The following CCDC186 variants were observed in gnomAD, a reference collection of about 807,000 sequenced individuals.
CCDC186 encodes the protein coiled-coil domain-containing protein 186.
A neutral mutation model predicts 113.7 loss-of-function variants in CCDC186; 49 were observed. That is an observed-to-expected ratio of 0.43 (90% CI 0.34 to 0.55). The LOEUF (loss-of-function observed/expected upper bound fraction) is 0.55, where lower values mean the gene tolerates loss of function less well. Among genes scored for constraint, CCDC186 ranks in the 20% least tolerant of loss-of-function variants. The pLI is 0.02. For missense variants in CCDC186, 890 were observed against 1,011.1 expected (o/e 0.88, Z 1.62); for synonymous variants, 355 against 345.8 (o/e 1.03, Z -0.30).
At chr10:114,170,587 G>C (rs1289249246) in intron 1 of CCDC186, among the ~76,000 whole-genome samples, 1 of 152,148 alleles carries the variant, frequency 6.6e-6, no homozygotes, top group Non-Finnish European at 1.5e-5. Flanking sequence ...CCCCCCAAAA[G>C]TGCTGTGATT....
rs761070055 is a variant in CCDC186, at chr10:114,125,886, C to A, written c.2613G>T (p.Lys871Asn). Residue 871 changes from lysine to asparagine, a missense_variant and splice_region_variant, in exon 15 of 16, where the codon AAG becomes AAT. Physicochemically the swap from Lys to Asn is moderately conservative, Grantham distance 94 (BLOSUM62 0). Coordinates refer to ENST00000369287, the MANE Select transcript of CCDC186 (RefSeq NM_018017.4). Reference protein sequence around the residue: ...EDTLLKNITLKENLQTLGTEI... With the variant: ...EDTLLKNITLNENLQTLGTEI... ...GTGTGTGAATGAGAAACACAAATAC[C>A]TTCAAAGTAATATTTTTTAGTAACG... is the stretch of plus-strand genomic sequence containing the variant. The A allele has an allele frequency of 6.2e-7, 1 of 1,612,724 alleles. No individual in the cohort carries two copies. The highest frequency in any genetic ancestry group is 8.5e-7 in the Non-Finnish European group (1 of 1,178,958).
chr10:114,173,710 C>G (rs2032596903), intron 1 of CCDC186, among the ~76,000 whole-genome samples: 1 of 152,222 alleles, frequency 6.6e-6, no homozygotes, highest in African/African-American at 2.4e-5. Flanking sequence ...GCAATGGGCT[C>G]GAATTCAGAC....
intron 13 of CCDC186, among the ~76,000 whole-genome samples, chr10:114,128,170 T>G (rs191566217): frequency 7.2e-5 from 11 of 152,254 alleles, no homozygotes; most frequent in Admixed American, 2.0e-4. Flanking sequence ...ATTATTTACC[T>G]CACAGGATTG....
In CCDC186 at chr10:114,158,950, G is replaced by C. The variant is rs530972287; in HGVS notation, c.633-1270C>G. Reference sequence around the variant, plus strand: ...CCCTCGTGGAACTTACATTCTAGGGGATAAAATAAAAATGGACCCTAGATA... The same window carrying C: ...CCCTCGTGGAACTTACATTCTAGGGCATAAAATAAAAATGGACCCTAGATA... On this transcript the variant is annotated intron_variant, in intron 2 of 15. Transcript: ENST00000369287. 5.3e-5 allele frequency among the ~76,000 whole-genome samples: 8 copies of C among 152,176 alleles called. 1 individual carries two copies. Among genetic ancestry groups the C allele is most frequent in the Admixed American group, 5.2e-4 (8 of 15,286 alleles).
At chr10:114,149,814 A>AGGCAGGC (rs2031786915) in intron 4 of CCDC186, among the ~76,000 whole-genome samples, 4 of 53,800 alleles carry the variant, frequency 7.4e-5, no homozygotes, top group African/African-American at 3.3e-4. Context: ...GGAAGGAAGG[A>AGGCAGGC]AGGCAGGAAG....
chr10:114,161,522 G>A (rs2032166909), intron 2 of CCDC186: 1 of 152,144 alleles, frequency 6.6e-6, no homozygotes, highest in African/African-American at 2.4e-5. Context: ...ATAATCTCAA[G>A]AGGAAGGTCT....
intron 1 of CCDC186, among the ~76,000 whole-genome samples, chr10:114,166,346 C>G (rs1310379990): frequency 6.6e-6 from 1 of 152,166 alleles, no homozygotes; most frequent in African/African-American, 2.4e-5. Flanking sequence ...AATGTTCTTC[C>G]CTTAGGTCTA....
At chr10:114,127,949 C>A (rs2030961097) in intron 13 of CCDC186, among the ~76,000 whole-genome samples, 3 of 151,980 alleles carry the variant, frequency 2.0e-5, no homozygotes, top group Non-Finnish European at 4.4e-5. Flanking sequence ...TAAACTATAA[C>A]AGAACAAAGC....
chr10:114,172,101 G>A (rs187585897), intron 1 of CCDC186, among the ~76,000 whole-genome samples: 1 of 152,072 alleles, frequency 6.6e-6, no homozygotes. Flanking sequence ...GTTATTTTAA[G>A]GTAGAGATAA....
At chr10:114,139,958 A>G (rs183983435) in intron 6 of CCDC186, among the ~76,000 whole-genome samples, 14 of 152,378 alleles carry the variant, frequency 9.2e-5, no homozygotes, top group African/African-American at 3.4e-4. Context: ...GTAAGGGAAA[A>G]GTGAGAATCA....
chr10:114,127,349 T>C (rs1236700498), intron 14 of CCDC186, 112 bp downstream of exon 14: 1 of 966,772 alleles, frequency 1.0e-6, no homozygotes, highest in Non-Finnish European at 1.5e-6. Flanking sequence ...TGAATAACTA[T>C]AATTATTTTT....
At chr10:114,172,157 G>A (rs148595654) in intron 1 of CCDC186, among the ~76,000 whole-genome samples, 1 of 152,242 alleles carries the variant, frequency 6.6e-6, no homozygotes, top group East Asian at 1.9e-4. Context: ...TTCAGGGTAA[G>A]GATTCTTACT....
rs771048463 is a variant in CCDC186, at chr10:114,163,248, T to G, written c.21A>C (p.Ile7=). The change falls in exon 2 of 16, where the codon ATA becomes ATC. Residue 7 remains isoleucine, a synonymous_variant. Coordinates refer to ENST00000369287, the MANE Select transcript of CCDC186 (RefSeq NM_018017.4). ...CATTTTTATCAGAGGAAGTAGAGGC[T>G]ATGTGGTCTGTCTCTGACATGCTGA... MSETDH[I]ASTSSDKNVG... is the part of the protein sequence containing the mutation. 6.2e-7 allele frequency: 1 copy of G among 1,612,066 alleles called. No homozygotes were observed. The highest frequency in any genetic ancestry group is 1.1e-5 in the South Asian group (1 of 91,070).
chr10:114,121,560 A>AT lies in CCDC186; in HGVS notation c.*3582dup, dbSNP rs1351470551. 1 of 152,184 alleles carries AT rather than the reference A, an allele frequency of 6.6e-6. No homozygotes were observed. Among genetic ancestry groups the AT allele is most frequent in the Non-Finnish European group, 1.5e-5 (1 of 68,030 alleles). The allele number at this position is 152,184 out of a possible 1,614,324, so 9.4% of individuals were successfully genotyped here. A position where few individuals can be genotyped will look rare whatever the true frequency, so the allele number is the denominator to read the frequency against. Reference sequence around the variant, plus strand: ...TCTAATGCCATCTTATGGTCTTTGGATTTTTTATTTTTTCTTAAATAATGA... The same window carrying AT: ...TCTAATGCCATCTTATGGTCTTTGGATTTTTTTATTTTTTCTTAAATAATGA... On this transcript the variant is annotated 3_prime_UTR_variant, in exon 16 of 16. Transcript: ENST00000369287.
chr10:114,145,907 A>G, intron 4 of CCDC186, 146 bp from the exon 5 acceptor site: 1 of 712,944 alleles, frequency 1.4e-6, no homozygotes, highest in East Asian at 3.0e-5. Flanking sequence ...TGAAATTTTA[A>G]AATGAAAGAA....
chr10:114,174,159 G>C lies in CCDC186; in HGVS notation c.-206C>G, dbSNP rs573692968. The C allele has an allele frequency of 2.1e-5, 10 of 468,066 alleles. No individual in the cohort carries two copies. In the East Asian group the frequency reaches 7.0e-4, roughly 33 times the overall value. The allele number at this position is 468,066 out of a possible 1,614,324, so 29.0% of individuals were successfully genotyped here. A position where few individuals can be genotyped will look rare whatever the true frequency, so the allele number is the denominator to read the frequency against. On this transcript the variant is annotated 5_prime_UTR_variant, in exon 1 of 16. Transcript: ENST00000369287. ...AAACACAGCCGACGCCTCACTCAGC[G>C]GCCGTTTCCCCAAACCCCTGCGGAG...
chr10:114,145,854 T>C, intron 4 of CCDC186, 93 bp from the exon 5 acceptor site: 1 of 1,183,284 alleles, frequency 8.5e-7, no homozygotes, highest in Non-Finnish European at 1.2e-6. Context: ...ATATTACCAA[T>C]GCATTGTTTG....
intron 12 of CCDC186, 108 bp downstream of exon 12, chr10:114,131,039 A>G (rs1387889972): frequency 1.0e-6 from 1 of 983,934 alleles, no homozygotes; most frequent in Admixed American, 3.3e-5. Flanking sequence ...TAATATTAAC[A>G]AAGAAAACAT....
At chr10:114,148,595 T>C (rs1014231006) in intron 4 of CCDC186, among the ~76,000 whole-genome samples, 2 of 152,146 alleles carry the variant, frequency 1.3e-5, no homozygotes, top group Middle Eastern at 3.2e-3. Context: ...AAATTTTAGA[T>C]GAAAAATAAC....
Sources: allele counts gnomAD v4.1 joint callset (sites outside exome capture counted in the v4.1 genomes callset), GRCh38; gene constraint gnomAD v4.1.1; transcripts MANE v1.5; gene names NCBI Gene and HGNC (gene_info 2026-07-23, HGNC 2026-07-21).